Variants in DENND2B observed in about 807,000 individuals in gnomAD.
DENND2B encodes DENN domain-containing protein 2B.
Under a neutral mutation model 116.0 loss-of-function variants are expected in DENND2B, and 32 were observed. The observed-to-expected ratio is 0.28, with a 90% CI of 0.21 to 0.37. The LOEUF is 0.37. Ranked by LOEUF, DENND2B falls within the 10% of genes least tolerant of loss-of-function variation. The pLI, the probability that DENND2B is intolerant of heterozygous loss-of-function variation, is 1.00. For synonymous variants in DENND2B, 588 were observed against 583.9 expected (o/e 1.01, Z -0.10); for missense variants, 1,276 against 1,477.7 (o/e 0.86, Z 2.24).
chr11:8,871,008 G>A (rs1012041496), exon 2 of DENND2B: 1 of 151,846 alleles, frequency 6.6e-6, no homozygotes, highest in Non-Finnish European at 1.5e-5. Flanking sequence ...CTCGCCGGGA[G>A]CCGCGCGGCC....
At chr11:8,848,096 A>T (rs2062874424) in intron 3 of DENND2B, among the ~76,000 whole-genome samples, 1 of 152,186 alleles carries the variant, frequency 6.6e-6, no homozygotes, top group Non-Finnish European at 1.5e-5. Context: ...AGAAGACCCA[A>T]ATCCAAATTT....
chr11:8,739,219 GAAC>G (rs2049721249), intron 2 of DENND2B, among the ~76,000 whole-genome samples: 1 of 152,172 alleles, frequency 6.6e-6, no homozygotes, highest in Admixed American at 6.5e-5. Flanking sequence ...ATGAGCTGAA[GAAC>G]AACAGAGAAA....
At chr11:8,829,172 GGTGTGTGTGGTGTTT>G (rs1305475956) in intron 4 of DENND2B, among the ~76,000 whole-genome samples, 5 of 150,958 alleles carry the variant, frequency 3.3e-5, no homozygotes, top group Admixed American at 6.6e-5. Context: ...TAGTATGTGT[GGTGTGTGTGGTGTTT>G]GTGTGTGTGG....
intron 1 of DENND2B, among the ~76,000 whole-genome samples, chr11:8,899,102 A>T (rs1246216500): frequency 6.6e-6 from 1 of 152,198 alleles, no homozygotes; most frequent in Non-Finnish European, 1.5e-5. Context: ...CAAATTTCAG[A>T]TTACAGAAAA....
chr11:8,717,706 G>A (rs376041145), intron 5 of DENND2B, 35 bp downstream of exon 5: 12 of 1,502,014 alleles, frequency 8.0e-6, no homozygotes, highest in African/African-American at 2.8e-5. Flanking sequence ...TGGCCCTCAC[G>A]CTAACCCTAC....
exon 1 of DENND2B, chr11:8,910,946 A>ACCCCCGC (rs1555224315): frequency 1.8e-4 from 3 of 16,962 alleles, no homozygotes; most frequent in South Asian, 4.7e-3. Flanking sequence ...CCGACCCCCG[A>ACCCCCGC]CCCCCGGCCC....
intron 8 of DENND2B, 98 bp downstream of exon 8, chr11:8,713,900 G>A (rs1215732394): frequency 4.2e-5 from 56 of 1,345,384 alleles, no homozygotes; most frequent in East Asian, 2.3e-5. Flanking sequence ...ACATCAGGCC[G>A]GTTAGGGACA....
At chr11:8,889,044 G>T (rs2063994286) in intron 1 of DENND2B, among the ~76,000 whole-genome samples, 1 of 151,978 alleles carries the variant, frequency 6.6e-6, no homozygotes, top group African/African-American at 2.4e-5. Flanking sequence ...GTTATAAATA[G>T]AATTACCATA....
chr11:8,737,838 C>T (rs971039148), intron 2 of DENND2B, among the ~76,000 whole-genome samples: 10 of 152,072 alleles, frequency 6.6e-5, no homozygotes, highest in African/African-American at 2.2e-4. Flanking sequence ...ACCCAAAAAT[C>T]CTGGGCTCAA....
chr11:8,748,643 A>G (rs2051753385), intron 2 of DENND2B, among the ~76,000 whole-genome samples: 1 of 152,126 alleles, frequency 6.6e-6, no homozygotes, highest in African/African-American at 2.4e-5. Flanking sequence ...GGAAGGAGAG[A>G]AGCGGAAATG....
chr11:8,696,292 G>T, intron 18 of DENND2B, 135 bp downstream of exon 18: 1 of 1,340,884 alleles, frequency 7.5e-7, no homozygotes, highest in Non-Finnish European at 1.0e-6. Context: ...CTACCTTGAA[G>T]TTTCTAACAG....
chr11:8,698,963 C>G lies in DENND2B; in HGVS notation c.2910G>C (p.Val970=). 1 of 1,614,202 alleles carries G rather than the reference C, an allele frequency of 6.2e-7. No homozygotes were observed. The highest frequency in any genetic ancestry group is 1.3e-5 in the African/African-American group (1 of 75,048). Residue 970 remains valine, a synonymous_variant, in exon 16 of 20, where the codon GTG becomes GTC. Transcript: ENST00000313726. ...KELPVEEALM[V]NLGSDRFIRQ... ...GGATGAATCGGTCAGATCCCAGATT[C>G]ACCATCAGCGCCTGAGAAAAGGAGT...
intron 4 of DENND2B, among the ~76,000 whole-genome samples, chr11:8,836,191 C>CAAAAAA (rs56816794): frequency 2.3e-5 from 3 of 133,056 alleles, no homozygotes; most frequent in Non-Finnish European, 4.7e-5. Flanking sequence ...ACTAAAAATA[C>CAAAAAA]AAAAAAAAAA....
At chr11:8,811,708 C>T (rs2061382383), upstream of DENND2B, 1 of 170,838 alleles carries the variant, frequency 5.9e-6, no homozygotes, top group African/African-American at 2.4e-5. Context: ...ATTTTTATGA[C>T]CATTTTTTCA....
At chr11:8,837,817 C>G (rs1172679831) in intron 4 of DENND2B, among the ~76,000 whole-genome samples, 1 of 152,212 alleles carries the variant, frequency 6.6e-6, no homozygotes, top group East Asian at 1.9e-4. Flanking sequence ...TCGAAGGTCT[C>G]TGGAAGCTAC....
intron 4 of DENND2B, among the ~76,000 whole-genome samples, chr11:8,721,584 G>A (rs1026321632): frequency 6.6e-6 from 1 of 152,176 alleles, no homozygotes; most frequent in Non-Finnish European, 1.5e-5. Flanking sequence ...GAAAGGGCCA[G>A]GATAAGAGCC....
intron 4 of DENND2B, among the ~76,000 whole-genome samples, chr11:8,836,413 C>CTTTTTTTTTT (rs67181023): frequency 6.4e-5 from 5 of 77,550 alleles, no homozygotes; most frequent in Admixed American, 1.9e-4. Context: ...TTCTGTACTT[C>CTTTTTTTTTT]TTTTTTTTTT....
At chr11:8,740,368 A>C (rs560659399) in intron 2 of DENND2B, among the ~76,000 whole-genome samples, 68 of 152,302 alleles carry the variant, frequency 4.5e-4, no homozygotes, top group African/African-American at 1.5e-3. Context: ...TCAGTAACAC[A>C]GGCCCCTCTT....
intron 3 of DENND2B, chr11:8,726,445 C>T (rs2047098094): frequency 4.6e-6 from 2 of 433,768 alleles, no homozygotes; most frequent in East Asian, 4.2e-5. Context: ...TAGATAACAA[C>T]TACCCCAGCT....
Sources: allele counts gnomAD v4.1 joint callset (sites outside exome capture counted in the v4.1 genomes callset), GRCh38; gene constraint gnomAD v4.1.1; transcripts MANE v1.5; gene names NCBI Gene and HGNC (gene_info 2026-07-23, HGNC 2026-07-21).